LRRC28: variants seen among roughly 807,000 people sequenced by gnomAD.
LRRC28 encodes leucine-rich repeat-containing protein 28.
In LRRC28, 39 loss-of-function variants were observed where a neutral mutation model predicts 45.7. The ratio of observed to expected loss-of-function variants is 0.85; its 90% CI spans 0.66 to 1.12. The LOEUF is 1.12. Among genes scored for constraint, LRRC28 ranks in the 50% most tolerant of loss-of-function variants. The pLI, the probability that LRRC28 is intolerant of heterozygous loss-of-function variation, is 0.00. For synonymous variants in LRRC28, 206 were observed against 178.8 expected (o/e 1.15, Z -1.22); for missense variants, 435 against 438.5 (o/e 0.99, Z 0.07).
chr15:99,339,247 A>T (rs368279392), intron 6 of LRRC28, among the ~76,000 whole-genome samples: 6 of 152,184 alleles, frequency 3.9e-5, no homozygotes, highest in East Asian at 1.9e-4. Context: ...AACTTATTCA[A>T]TGTTGAATAA....
At chr15:99,269,540 A>G (rs1445988843) in intron 2 of LRRC28, among the ~76,000 whole-genome samples, 1 of 151,948 alleles carries the variant, frequency 6.6e-6, no homozygotes, top group East Asian at 1.9e-4. Flanking sequence ...AGTAGCTGGG[A>G]TTACAGGCAC....
intron 5 of LRRC28, among the ~76,000 whole-genome samples, chr15:99,292,934 T>C (rs144470612): frequency 1.3e-5 from 2 of 152,324 alleles, no homozygotes; most frequent in East Asian, 3.9e-4. Flanking sequence ...AGAGTGATGA[T>C]CTCTTTGGAG....
intron 9 of LRRC28, among the ~76,000 whole-genome samples, chr15:99,371,057 GA>G (rs1380400339): frequency 6.6e-6 from 1 of 151,738 alleles, no homozygotes; most frequent in African/African-American, 2.4e-5. Flanking sequence ...AGTGAGCTGA[GA>G]TCGCGCCACT....
At position 99,318,885 on chromosome 15, in the gene LRRC28, C is replaced by T. The variant is rs529260909; in HGVS notation, c.386-15038C>T. Among the ~76,000 whole-genome samples, 4 of 151,998 alleles carry T rather than the reference C, an allele frequency of 2.6e-5. No homozygotes were observed. In the South Asian group the frequency reaches 8.3e-4, roughly 32 times the overall value. On this transcript the variant is annotated intron_variant, in intron 5 of 9. Coordinates refer to ENST00000301981, the MANE Select transcript of LRRC28 (RefSeq NM_144598.5). ...ATGTTCTATCAGTGGAGGTCATCAA[C>T]CGCTTTCTATTTTTCATGGTAATTT...
rs1474433569 is a variant in LRRC28, at chr15:99,256,043, A to G, written c.86A>G (p.His29Arg). 1 of 1,613,908 alleles carries G rather than the reference A, an allele frequency of 6.2e-7. No homozygotes were observed. The highest frequency in any genetic ancestry group is 1.3e-5 in the African/African-American group (1 of 75,022). Residue 29 changes from histidine to arginine, a missense_variant, in exon 2 of 10, where the codon CAT becomes CGT. Transcript: ENST00000301981. ...NLFLNYRNLH[H>R]FPLELLKDEG... ...TTCTTAAATTATAGGAATCTGCACC[A>G]TTTTCCATTGGAGTTACTGAAAGAT...
intron 5 of LRRC28, among the ~76,000 whole-genome samples, chr15:99,296,702 A>G (rs2082273026): frequency 6.6e-6 from 1 of 152,230 alleles, no homozygotes; most frequent in East Asian, 1.9e-4. Flanking sequence ...TTAACAAAAT[A>G]GTATTTACTG....
chr15:99,297,534 G>T (rs1294982516), intron 5 of LRRC28, among the ~76,000 whole-genome samples: 1 of 151,426 alleles, frequency 6.6e-6, no homozygotes, highest in Non-Finnish European at 1.5e-5. Flanking sequence ...TAAATGCTGG[G>T]TTAAAGGTGT....
chr15:99,385,139 A>G (rs988916442), intron 9 of LRRC28, among the ~76,000 whole-genome samples: 11 of 149,608 alleles, frequency 7.4e-5, no homozygotes, highest in South Asian at 6.5e-4. Flanking sequence ...AGAGGTAGAG[A>G]GGGAGTGGGG....
intron 6 of LRRC28, among the ~76,000 whole-genome samples, chr15:99,335,052 T>C (rs996350001): frequency 7.9e-5 from 12 of 152,192 alleles, no homozygotes; most frequent in African/African-American, 2.9e-4. Context: ...TAAATATAAT[T>C]AAATTTTGTA....
intron 2 of LRRC28, among the ~76,000 whole-genome samples, chr15:99,263,573 T>A (rs942010279): frequency 6.6e-6 from 1 of 152,170 alleles, no homozygotes; most frequent in African/African-American, 2.4e-5. Context: ...AGGACCATAT[T>A]ATAAGAGTTC....
In LRRC28 at chr15:99,388,254, A is replaced by G. The variant is rs544551451; in HGVS notation, c.*2152A>G. 2.0e-4 allele frequency: 30 copies of G among 152,214 alleles called. No homozygotes were observed. Among genetic ancestry groups the G allele is most frequent in the African/African-American group, 6.0e-4 (25 of 41,462 alleles). The allele number at this position is 152,214 out of a possible 1,614,324, so 9.4% of individuals were successfully genotyped here. ...AGTAAATGTCTTGCTACATTTTTCT[A>G]TTTCATCCTCTACAATCATATGTCA... On this transcript the variant is annotated 3_prime_UTR_variant, in exon 10 of 10. Transcript: ENST00000301981.
chr15:99,351,754 A>C (rs987104679), intron 6 of LRRC28, among the ~76,000 whole-genome samples: 1 of 152,228 alleles, frequency 6.6e-6, no homozygotes, highest in African/African-American at 2.4e-5. Context: ...TTGTTAAAGC[A>C]TAGTAAGGAA....
chr15:99,360,610 T>C (rs1049144198), intron 7 of LRRC28, among the ~76,000 whole-genome samples: 1 of 152,228 alleles, frequency 6.6e-6, no homozygotes, highest in Non-Finnish European at 1.5e-5. Context: ...TATTATTTCA[T>C]GTTGTCTTCA....
intron 6 of LRRC28, among the ~76,000 whole-genome samples, chr15:99,344,684 C>T (rs1215527414): frequency 1.3e-5 from 2 of 152,144 alleles, no homozygotes; most frequent in African/African-American, 4.8e-5. Context: ...ATAAAATTAA[C>T]ATAGGGAAAG....
At chr15:99,355,027 A>G (rs1039435201) in intron 7 of LRRC28, among the ~76,000 whole-genome samples, 2 of 152,228 alleles carry the variant, frequency 1.3e-5, no homozygotes, top group African/African-American at 4.8e-5. Context: ...CAGAGGGAGA[A>G]TAGAGAGACA....
At chr15:99,286,596 A>C (rs899883354) in intron 3 of LRRC28, 1 of 152,230 alleles carries the variant, frequency 6.6e-6, no homozygotes, top group Admixed American at 6.5e-5. Context: ...TGATTGCAGG[A>C]AGTCTCCACC....
intron 6 of LRRC28, among the ~76,000 whole-genome samples, chr15:99,340,067 G>C (rs900407322): frequency 6.6e-6 from 1 of 152,240 alleles, no homozygotes; most frequent in Non-Finnish European, 1.5e-5. Context: ...AAGCAAGCAC[G>C]TGAGTGCAGA....
intron 2 of LRRC28, 24 bp downstream of exon 2, chr15:99,256,149 G>A (rs1412855769): frequency 2.6e-6 from 4 of 1,566,052 alleles, no homozygotes; most frequent in Non-Finnish European, 3.5e-6. Flanking sequence ...TTACACTACT[G>A]AAAAATTATT....
At chr15:99,269,344 T>C (rs916876251) in intron 2 of LRRC28, among the ~76,000 whole-genome samples, 1 of 152,224 alleles carries the variant, frequency 6.6e-6, no homozygotes, top group Non-Finnish European at 1.5e-5. Flanking sequence ...GAGCTGAGTT[T>C]AAGTGAAAAA....
Sources: allele counts gnomAD v4.1 joint callset (sites outside exome capture counted in the v4.1 genomes callset), GRCh38; gene constraint gnomAD v4.1.1; transcripts MANE v1.5; gene names NCBI Gene and HGNC (gene_info 2026-07-23, HGNC 2026-07-21).